Variants in RP1 observed in about 807,000 individuals in gnomAD.
RP1 encodes the protein RP1 axonemal microtubule associated.
In RP1, 16 loss-of-function variants were observed where a neutral mutation model predicts 14.8. The ratio of observed to expected loss-of-function variants is 1.08; its 90% CI spans 0.73 to 1.65. The LOEUF (loss-of-function observed/expected upper bound fraction) is 1.65. Among genes scored for constraint, RP1 ranks in the 40% most tolerant of loss-of-function variants. The pLI is 0.00. For synonymous variants in RP1, 876 were observed against 883.6 expected, an observed-to-expected ratio of 0.99 and a Z score of 0.15; for missense variants, 2,631 against 2,535.0, an observed-to-expected ratio of 1.04 and a Z score of -0.81.
intron 3 of RP1, among the ~76,000 whole-genome samples, chr8:54,638,681 CA>C (rs1400016331): frequency 6.6e-6 from 1 of 152,134 alleles, no homozygotes; most frequent in Admixed American, 6.6e-5. Context: ...CACAATAATA[CA>C]CACTTGTATA....
intron 25 of RP1, among the ~76,000 whole-genome samples, chr8:54,838,206 A>G (rs1811707713): frequency 6.6e-6 from 1 of 152,196 alleles, no homozygotes; most frequent in Non-Finnish European, 1.5e-5. Flanking sequence ...CTTCTTAGCT[A>G]ATTATGTTAA....
chr8:54,596,776 T>G (rs1328194158), intron 1 of RP1, among the ~76,000 whole-genome samples: 1 of 152,240 alleles, frequency 6.6e-6, no homozygotes, highest in East Asian at 1.9e-4. Flanking sequence ...CGATACATTA[T>G]TCATTTAAAG....
At chr8:54,842,334 A>G (rs1185190921) in intron 25 of RP1, among the ~76,000 whole-genome samples, 1 of 152,178 alleles carries the variant, frequency 6.6e-6, no homozygotes, top group Non-Finnish European at 1.5e-5. Flanking sequence ...TACAACATCT[A>G]TTGCCAGAAT....
chr8:54,794,333 A>G (rs1384212605), intron 24 of RP1, among the ~76,000 whole-genome samples: 5 of 151,964 alleles, frequency 3.3e-5, no homozygotes, highest in African/African-American at 1.2e-4. Context: ...CATAAAAACT[A>G]AAATAGTATT....
At chr8:54,804,826 T>A (rs1042508487) in intron 24 of RP1, among the ~76,000 whole-genome samples, 1 of 152,244 alleles carries the variant, frequency 6.6e-6, no homozygotes, top group South Asian at 2.1e-4. Flanking sequence ...AGATCAAGTG[T>A]TCCAAAAGTA....
In RP1 at chr8:54,628,945, G is replaced by A. The variant is rs1219582281; in HGVS notation, c.5063G>A (p.Ser1688Asn). Reference sequence around the variant, plus strand: ...TTTGGCTCTTCTGAACAGGTATCTAGTAGTTCATCTATGTTGCAGGAATTC... The same window carrying A: ...TTTGGCTCTTCTGAACAGGTATCTAATAGTTCATCTATGTTGCAGGAATTC... ...QSFGSSEQVSSSSSMLQEFQE... is the reference protein window; with the variant it reads ...QSFGSSEQVSNSSSMLQEFQE... Residue 1688 changes from serine to asparagine, a missense_variant, in exon 4 of 4, where the codon AGT becomes AAT. Ser to Asn is a conservative substitution (Grantham distance 46). Transcript: ENST00000220676. 8 of 1,613,908 alleles carry A rather than the reference G, an allele frequency of 5.0e-6. No individual in the cohort carries two copies. The highest frequency in any genetic ancestry group is 6.8e-6 in the Non-Finnish European group (8 of 1,179,978).
chr8:54,632,779 T>C (rs1045759515), downstream of RP1, among the ~76,000 whole-genome samples: 1 of 152,198 alleles, frequency 6.6e-6, no homozygotes, highest in Non-Finnish European at 1.5e-5. Flanking sequence ...TTTTGCAAGA[T>C]TTATATTTAA....
At chr8:54,837,427 C>A in intron 24 of RP1, 1 of 1,109,244 alleles carries the variant, frequency 9.0e-7, no homozygotes, top group Non-Finnish European at 1.1e-6. Flanking sequence ...AGTTTTAGTT[C>A]CCTTTTATCC....
At chr8:54,685,328 G>C (rs1370120717) in intron 12 of RP1, among the ~76,000 whole-genome samples, 2 of 152,118 alleles carry the variant, frequency 1.3e-5, no homozygotes, top group Non-Finnish European at 2.9e-5. Flanking sequence ...TGCTTTAGCT[G>C]TGTCCCAGAG....
intron 24 of RP1, among the ~76,000 whole-genome samples, chr8:54,831,457 G>T (rs1372149036): frequency 1.4e-4 from 9 of 66,062 alleles, no homozygotes; most frequent in East Asian, 4.0e-4. Context: ...CTTATTACCT[G>T]TGCCTGTTTT....
chr8:54,668,563 G>A (rs1298684134), intron 7 of RP1, among the ~76,000 whole-genome samples: 1 of 152,112 alleles, frequency 6.6e-6, no homozygotes, highest in Non-Finnish European at 1.5e-5. Flanking sequence ...AGCCCACATT[G>A]CCAAGACAAT....
chr8:54,567,665 A>T (rs1804437176), intron 1 of RP1, among the ~76,000 whole-genome samples: 1 of 152,206 alleles, frequency 6.6e-6, no homozygotes, highest in South Asian at 2.1e-4. Flanking sequence ...GTGTGGTAGA[A>T]AACCTCTTGT....
In RP1 at chr8:54,629,481, G is replaced by T; in HGVS notation, c.5599G>T (p.Val1867Phe). The T allele has an allele frequency of 6.2e-7, 1 of 1,614,102 alleles. No homozygotes were observed. The highest frequency in any genetic ancestry group is 1.1e-5 in the South Asian group (1 of 91,080). The change falls in exon 4 of 4, where the codon GTC becomes TTC. Residue 1867 changes from valine (V) to phenylalanine (F), a missense_variant. Val to Phe is a conservative substitution (Grantham distance 50). Coordinates refer to ENST00000220676, the MANE Select transcript of RP1 (RefSeq NM_006269.2). ...SHQSERVCTS[V>F]THSFISAGNK... Reference sequence around the variant, plus strand: ...TCAGTCAGAAAGAGTATGCACATCTGTCACTCATTCCTTTATTTCTGCTGG... The same window carrying T: ...TCAGTCAGAAAGAGTATGCACATCTTTCACTCATTCCTTTATTTCTGCTGG...
At chr8:54,576,102 G>A (rs1396149997) in intron 1 of RP1, among the ~76,000 whole-genome samples, 1 of 150,716 alleles carries the variant, frequency 6.6e-6, no homozygotes. Context: ...GTGCAGTGGC[G>A]CAATCTCGGC....
chr8:54,782,008 G>T (rs530777826), intron 23 of RP1, among the ~76,000 whole-genome samples: 1 of 152,108 alleles, frequency 6.6e-6, no homozygotes, highest in Admixed American at 6.5e-5. Flanking sequence ...GGCCCAGATG[G>T]CCGGGGAAGG....
At chr8:54,689,884 T>G (rs1197798433) in intron 12 of RP1, among the ~76,000 whole-genome samples, 1 of 152,024 alleles carries the variant, frequency 6.6e-6, no homozygotes, top group Non-Finnish European at 1.5e-5. Flanking sequence ...CTTTTTAAGT[T>G]TCCAGTTCCA....
chr8:54,738,725 T>C (rs1585649869), intron 18 of RP1, among the ~76,000 whole-genome samples: 1 of 152,282 alleles, frequency 6.6e-6, no homozygotes, highest in Non-Finnish European at 1.5e-5. Context: ...TCTGCATATT[T>C]TTAGTCAAGT....
intron 19 of RP1, among the ~76,000 whole-genome samples, chr8:54,751,763 G>A (rs1013879448): frequency 6.6e-6 from 1 of 152,108 alleles, no homozygotes; most frequent in Admixed American, 6.5e-5. Context: ...TTTAACGGTT[G>A]AAAAAATATT....
intron 27 of RP1, among the ~76,000 whole-genome samples, chr8:54,863,294 C>T (rs911378472): frequency 1.4e-4 from 21 of 152,014 alleles, no homozygotes; most frequent in Admixed American, 6.6e-4. Context: ...TACAGTAACA[C>T]GCTGAACAGG....
Sources: gnomAD v4.1 joint callset for allele counts (sites outside exome capture counted in the v4.1 genomes callset) on GRCh38, gnomAD v4.1.1 for gene constraint, MANE v1.5 for transcripts, NCBI Gene and HGNC (gene_info 2026-07-23, HGNC 2026-07-21) for gene names.